The following UGT1A8 variants were observed in gnomAD, a reference collection of about 807,000 sequenced individuals.
The protein encoded by UGT1A8 is UDP-glucuronosyltransferase 1A8.
Under a neutral mutation model 45.3 loss-of-function variants are expected in UGT1A8, and 39 were observed. The ratio of observed to expected loss-of-function variants is 0.86; its 90% confidence interval spans 0.67 to 1.12. UGT1A8 has a LOEUF of 1.12. UGT1A8 is among the 50% of genes most tolerant of loss of function. UGT1A8 has a pLI of 0.00. For synonymous variants in UGT1A8, 275 were observed against 249.2 expected (o/e 1.10, Z -0.97); for missense variants, 719 against 664.9 (o/e 1.08, Z -0.90).
At chr2:233,724,451 C>T (rs1350834688) in intron 1 of UGT1A8, among the ~76,000 whole-genome samples, 1 of 120,264 alleles carries the variant, frequency 8.3e-6, no homozygotes. Flanking sequence ...GACAGGGCAG[C>T]TGCCGGGCGG....
chr2:233,706,044 G>A (rs2075886174), intron 1 of UGT1A8, among the ~76,000 whole-genome samples: 1 of 152,138 alleles, frequency 6.6e-6, no homozygotes, highest in Admixed American at 6.5e-5. Context: ...GCAGTGAGCC[G>A]AGATCACGCC....
At chr2:233,683,432 A>T (rs1400062675) in intron 1 of UGT1A8, among the ~76,000 whole-genome samples, 1 of 152,148 alleles carries the variant, frequency 6.6e-6, no homozygotes, top group Non-Finnish European at 1.5e-5. Flanking sequence ...TATGAGCAAT[A>T]ATAAGAATTC....
At chr2:233,669,156 A>C (rs2074133055) in intron 1 of UGT1A8, among the ~76,000 whole-genome samples, 2 of 152,196 alleles carry the variant, frequency 1.3e-5, no homozygotes, top group South Asian at 2.1e-4. Context: ...TCATACTTCT[A>C]TTTCTGGGTA....
intron 1 of UGT1A8, among the ~76,000 whole-genome samples, chr2:233,688,893 G>A (rs1289249191): frequency 6.6e-6 from 1 of 152,152 alleles, no homozygotes; most frequent in Admixed American, 6.5e-5. Flanking sequence ...AATCTTGGGA[G>A]AAGTTGGGGG....
At chr2:233,683,676 C>A (rs45486299) in intron 1 of UGT1A8, among the ~76,000 whole-genome samples, 1 of 152,170 alleles carries the variant, frequency 6.6e-6, no homozygotes, top group Admixed American at 6.5e-5. Context: ...TCTTATTAAC[C>A]TTTATTCCTC....
intron 1 of UGT1A8, among the ~76,000 whole-genome samples, chr2:233,724,860 T>G (rs1312826202): frequency 3.2e-5 from 4 of 126,790 alleles, no homozygotes; most frequent in Non-Finnish European, 6.4e-5. Flanking sequence ...CTGGGAGGTG[T>G]AGGTTGTAGT....
At chr2:233,760,461 T>A in intron 1 of UGT1A8, 1 of 1,614,224 alleles carries the variant, frequency 6.2e-7, no homozygotes, top group Non-Finnish European at 8.5e-7. Context: ...ATGAAATAGT[T>A]GTCCTAGCAC....
chr2:233,719,424 T>A (rs1477800386), intron 1 of UGT1A8: 11 of 1,613,828 alleles, frequency 6.8e-6, no homozygotes, highest in Non-Finnish European at 9.3e-6. Flanking sequence ...AACGACCAAT[T>A]CAGACCACAT....
intron 1 of UGT1A8, chr2:233,755,364 C>G (rs1279732640): frequency 1.4e-5 from 5 of 364,304 alleles, no homozygotes; most frequent in Non-Finnish European, 2.6e-5. Flanking sequence ...ACCTGGGCCG[C>G]CTGGAGGGCC....
intron 1 of UGT1A8, among the ~76,000 whole-genome samples, chr2:233,765,077 C>T (rs1698745230): frequency 6.6e-6 from 1 of 152,130 alleles, no homozygotes; most frequent in South Asian, 2.1e-4. Context: ...TCCTGTGTCT[C>T]ACATCTAGGG....
chr2:233,729,264 G>T (rs921669787), intron 1 of UGT1A8: 3 of 1,614,004 alleles, frequency 1.9e-6, no homozygotes, highest in Admixed American at 1.7e-5. Flanking sequence ...GCATGCGGGA[G>T]GTCTTGCGGG....
chr2:233,760,466 T>A (rs370892808), intron 1 of UGT1A8: 5 of 1,614,114 alleles, frequency 3.1e-6, no homozygotes, highest in Non-Finnish European at 4.2e-6. Context: ...ATAGTTGTCC[T>A]AGCACCTGAC....
intron 1 of UGT1A8, among the ~76,000 whole-genome samples, chr2:233,699,790 C>G (rs1191116266): frequency 2.0e-5 from 3 of 152,194 alleles, no homozygotes; most frequent in Non-Finnish European, 2.9e-5. Context: ...GTTTCCTCCT[C>G]TCATATTCTG....
chr2:233,620,484 T>C (rs1047379467), intron 1 of UGT1A8, among the ~76,000 whole-genome samples: 2 of 152,116 alleles, frequency 1.3e-5, no homozygotes, highest in African/African-American at 4.8e-5. Context: ...AAAGTATATA[T>C]GATTTTATAT....
In UGT1A8 at chr2:233,754,158, G is replaced by A. The variant is rs28900389; in HGVS notation, c.856-12876G>A. 9.6e-3 allele frequency: 1,492 copies of A among 156,116 alleles called. 22 individuals carry two copies. The highest frequency in any genetic ancestry group is 0.034 in the African/African-American group (1,420 of 41,562). 9.7% of individuals were successfully genotyped at this position (156,116 alleles called of 1,614,324 possible). A position where few individuals can be genotyped will look rare whatever the true frequency, so the allele number is the denominator to read the frequency against. On this transcript the variant is annotated intron_variant, in intron 1 of 4. Transcript: ENST00000373450. The stretch of plus-strand genomic sequence containing the variant: ...AAAGCCATCATTAAATTAAGCCAGA[G>A]TATTAATATATTCATAGATTTCACC...
intron 1 of UGT1A8, among the ~76,000 whole-genome samples, chr2:233,684,051 T>C (rs2074661509): frequency 6.6e-6 from 1 of 152,208 alleles, no homozygotes; most frequent in South Asian, 2.1e-4. Context: ...GTGAAACACC[T>C]GGTGTCTGAT....
chr2:233,713,192 G>A, intron 1 of UGT1A8: 1 of 1,614,232 alleles, frequency 6.2e-7, no homozygotes. Flanking sequence ...AGGTGAATAT[G>A]TACATCAAAG....
At chr2:233,741,466 G>C (rs577572519) in intron 1 of UGT1A8, 1 of 149,788 alleles carries the variant, frequency 6.7e-6, no homozygotes, top group Non-Finnish European at 1.5e-5. Flanking sequence ...CTTCACACAT[G>C]TAAGTTCCCT....
rs538309349 is a variant in UGT1A8, at chr2:233,711,882, A to G, written c.856-55152A>G. Among the ~76,000 whole-genome samples the G allele has an allele frequency of 1.2e-3, 185 of 152,230 alleles. 1 individual carries two copies. The highest frequency in any genetic ancestry group is 2.4e-3 in the Non-Finnish European group (166 of 68,038). ...AGTATGAGTGACTTTCTGGAGCAGG[A>G]CGAGTCTCATGGGCGTGAGACCATT... On this transcript the variant is annotated intron_variant, in intron 1 of 4. Coordinates refer to ENST00000373450, the MANE Select transcript of UGT1A8 (RefSeq NM_019076.5).
Sources: allele counts gnomAD v4.1 joint callset (sites outside exome capture counted in the v4.1 genomes callset), GRCh38; gene constraint gnomAD v4.1.1; transcripts MANE v1.5; gene names NCBI Gene and HGNC (gene_info 2026-07-23, HGNC 2026-07-21).